Variants in ADCY5 observed in about 807,000 individuals in gnomAD.
ADCY5 encodes the protein adenylate cyclase type 5.
Under a neutral mutation model 119.7 loss-of-function variants are expected in ADCY5, and 30 were observed. The ratio of observed to expected loss-of-function variants is 0.25; its 90% CI spans 0.19 to 0.34. The LOEUF is 0.34. ADCY5 is among the 10% of genes least tolerant of loss of function. The probability of loss-of-function intolerance (pLI) is 1.00; values close to 1 mark genes in which losing one functional copy is unlikely to be tolerated. For missense variants in ADCY5, 1,324 were observed against 1,775.2 expected (o/e 0.75, Z 4.57); for synonymous variants, 753 against 762.2 (o/e 0.99, Z 0.20).
At chr3:123,309,015 A>C (rs558437334) in intron 12 of ADCY5, among the ~76,000 whole-genome samples, 2 of 152,384 alleles carry the variant, frequency 1.3e-5, no homozygotes, top group African/African-American at 4.8e-5. Context: ...TCTTCAAAAA[A>C]TAAGTTCAGA....
intron 3 of ADCY5, among the ~76,000 whole-genome samples, chr3:123,336,666 G>A (rs1326579236): frequency 6.6e-6 from 1 of 152,182 alleles, no homozygotes; most frequent in Non-Finnish European, 1.5e-5. Context: ...GCAGACACAT[G>A]TGGTCCCAGG....
intron 1 of ADCY5, among the ~76,000 whole-genome samples, chr3:123,398,228 G>C (rs1027094140): frequency 6.6e-6 from 1 of 152,032 alleles, no homozygotes; most frequent in African/African-American, 2.4e-5. Context: ...TTCTAACAAA[G>C]TTCCCCCCTG....
intron 1 of ADCY5, among the ~76,000 whole-genome samples, chr3:123,440,391 T>G (rs1241242793): frequency 1.3e-5 from 2 of 152,178 alleles, no homozygotes; most frequent in African/African-American, 2.4e-5. Context: ...TATTACAGTT[T>G]CACACTGACA....
chr3:123,424,177 G>A (rs1451525042), intron 1 of ADCY5, among the ~76,000 whole-genome samples: 1 of 152,252 alleles, frequency 6.6e-6, no homozygotes, highest in Non-Finnish European at 1.5e-5. Context: ...GGGCCAAGGG[G>A]TGGGCATTTG....
intron 1 of ADCY5, among the ~76,000 whole-genome samples, chr3:123,393,716 T>A (rs1020744108): frequency 2.0e-5 from 3 of 152,094 alleles, no homozygotes; most frequent in Non-Finnish European, 4.4e-5. Flanking sequence ...AACTCAGGCC[T>A]TCCTGCAGAC....
intron 1 of ADCY5, among the ~76,000 whole-genome samples, chr3:123,425,222 A>G (rs146562140): frequency 1.0e-3 from 155 of 152,340 alleles, no homozygotes; most frequent in Non-Finnish European, 1.2e-3. Context: ...CCAACCAGCC[A>G]AAGGAATGTT....
chr3:123,302,528 G>T (rs1258339781), intron 14 of ADCY5, among the ~76,000 whole-genome samples: 1 of 152,122 alleles, frequency 6.6e-6, no homozygotes, highest in Non-Finnish European at 1.5e-5. Flanking sequence ...AACAGCTGGG[G>T]CTTAGGTGGG....
chr3:123,429,854 C>G (rs1004274681), intron 1 of ADCY5, among the ~76,000 whole-genome samples: 5 of 152,172 alleles, frequency 3.3e-5, no homozygotes, highest in Non-Finnish European at 7.4e-5. Context: ...TGCCCCACCC[C>G]ATACCCACGT....
chr3:123,335,400 A>G (rs1207112548), intron 3 of ADCY5, among the ~76,000 whole-genome samples: 1 of 152,100 alleles, frequency 6.6e-6, no homozygotes, highest in Non-Finnish European at 1.5e-5. Flanking sequence ...ACAGTCAGAC[A>G]CTATTTTAAG....
chr3:123,368,617 T>C (rs1423779335), intron 1 of ADCY5, among the ~76,000 whole-genome samples: 1 of 152,080 alleles, frequency 6.6e-6, no homozygotes, highest in Non-Finnish European at 1.5e-5. Context: ...CTGGACATGA[T>C]GGCACATGCC....
At chr3:123,424,021 C>T (rs532623275) in intron 1 of ADCY5, among the ~76,000 whole-genome samples, 2 of 152,354 alleles carry the variant, frequency 1.3e-5, no homozygotes, top group African/African-American at 2.4e-5. Context: ...CTTTGAGCAT[C>T]CCGGTGCCAG....
chr3:123,298,743 GAAC>G (rs1424275967), intron 15 of ADCY5, among the ~76,000 whole-genome samples: 1 of 151,182 alleles, frequency 6.6e-6, no homozygotes, highest in Non-Finnish European at 1.5e-5. Context: ...ATGAATGGGT[GAAC>G]AAATGGATGG....
At chr3:123,321,979 C>T (rs1361500703) in intron 8 of ADCY5, among the ~76,000 whole-genome samples, 1 of 152,202 alleles carries the variant, frequency 6.6e-6, no homozygotes, top group East Asian at 1.9e-4. Context: ...CAAACTGCAC[C>T]CTTCTCCTTG....
intron 1 of ADCY5, among the ~76,000 whole-genome samples, chr3:123,427,990 T>C (rs1192140050): frequency 6.6e-6 from 1 of 152,106 alleles, no homozygotes; most frequent in Non-Finnish European, 1.5e-5. Flanking sequence ...TGATGAGGAA[T>C]TTTGTTGGGA....
At chr3:123,362,740 T>C (rs370121020) in intron 1 of ADCY5, among the ~76,000 whole-genome samples, 1 of 152,176 alleles carries the variant, frequency 6.6e-6, no homozygotes, top group African/African-American at 2.4e-5. Flanking sequence ...ACCTCTATCC[T>C]CTATCCTCAA....
At chr3:123,412,531 A>C (rs888609853) in intron 1 of ADCY5, among the ~76,000 whole-genome samples, 1 of 152,186 alleles carries the variant, frequency 6.6e-6, no homozygotes, top group African/African-American at 2.4e-5. Context: ...TACAGCACTG[A>C]CAGCCTCTGT....
At chr3:123,435,851 TTTATTATTATTATTATTATTATTA>T (rs34160272) in intron 1 of ADCY5, among the ~76,000 whole-genome samples, 40 of 125,884 alleles carry the variant, frequency 3.2e-4, no homozygotes, top group African/African-American at 1.0e-3. Context: ...CAAGAGCCCT[TTTATTATTATTATTATTATTATTA>T]TTATTATTAT....
At chr3:123,381,452 C>G (rs892342463) in intron 1 of ADCY5, among the ~76,000 whole-genome samples, 1 of 152,200 alleles carries the variant, frequency 6.6e-6, no homozygotes, top group African/African-American at 2.4e-5. Flanking sequence ...GGTGCCAACT[C>G]TACACTTGCA....
intron 1 of ADCY5, among the ~76,000 whole-genome samples, chr3:123,356,245 A>G (rs928159570): frequency 6.6e-6 from 1 of 152,204 alleles, no homozygotes; most frequent in Non-Finnish European, 1.5e-5. Flanking sequence ...TTAGGCAATA[A>G]TTTCTTATAT....
Sources: allele counts gnomAD v4.1 joint callset (sites outside exome capture counted in the v4.1 genomes callset), GRCh38; gene constraint gnomAD v4.1.1; transcripts MANE v1.5; gene names NCBI Gene and HGNC (gene_info 2026-07-23, HGNC 2026-07-21).